Variants in NOVA2 observed in about 807,000 individuals in gnomAD.
NOVA2 encodes the protein NOVA alternative splicing regulator 2.
In NOVA2, 9 loss-of-function variants were observed where a neutral mutation model predicts 22.5. The observed-to-expected ratio is 0.40, with a 90% CI of 0.24 to 0.70. The LOEUF is 0.70. Among genes scored for constraint, NOVA2 ranks in the 30% least tolerant of loss-of-function variants. The probability of loss-of-function intolerance (pLI) is 0.38; values close to 1 mark genes in which losing one functional copy is unlikely to be tolerated. For synonymous variants in NOVA2, 318 were observed against 335.2 expected (o/e 0.95, Z 0.56); for missense variants, 383 against 682.8 (o/e 0.56, Z 4.89).
Position 45,939,792 on chromosome 19 carries a change from T to TG in NOVA2, c.*70dup, listed in dbSNP as rs771032556. On this transcript the variant is annotated 3_prime_UTR_variant, in exon 4 of 4. Coordinates refer to ENST00000263257, the MANE Select transcript of NOVA2 (RefSeq NM_002516.4). ...ACTACACCAAGCTGAGGTCAGGAGT[T>TG]GGGGGGGAGGAGGAGAGGGAAGAGG... 3.3e-3 allele frequency: 5,131 copies of TG among 1,567,450 alleles called. 17 individuals are homozygous for TG. Among genetic ancestry groups the TG allele is most frequent in the Non-Finnish European group, 4.1e-3 (4,679 of 1,151,578 alleles).
At chr19:45,942,343 CAG>C (rs758720858) in intron 3 of NOVA2, among the ~76,000 whole-genome samples, 6 of 152,084 alleles carry the variant, frequency 3.9e-5, no homozygotes, top group Non-Finnish European at 7.4e-5. Flanking sequence ...CAGATGCACA[CAG>C]AGGGAAGACT....
chr19:45,934,895 T>G lies in NOVA2; in HGVS notation c.*4968A>C. 1 of 149,738 alleles carries G rather than the reference T, an allele frequency of 6.7e-6. No homozygotes were observed. Among genetic ancestry groups the G allele is most frequent in the Non-Finnish European group, 1.5e-5 (1 of 67,486 alleles). 9.3% of individuals were successfully genotyped at this position (149,738 alleles called of 1,614,324 possible). ...TGGGGTGCGGGTGGGGAGGCATGGGTGGTGGGAGGAGATGGAGGAAAGGTA... is the reference window on the plus strand; with the variant it reads ...TGGGGTGCGGGTGGGGAGGCATGGGGGGTGGGAGGAGATGGAGGAAAGGTA... On this transcript the variant is annotated 3_prime_UTR_variant, in exon 4 of 4. Coordinates refer to ENST00000263257, the MANE Select transcript of NOVA2 (RefSeq NM_002516.4).
At chr19:45,960,379 G>A (rs1175539155) in intron 2 of NOVA2, among the ~76,000 whole-genome samples, 1 of 151,632 alleles carries the variant, frequency 6.6e-6, no homozygotes, top group Non-Finnish European at 1.5e-5. Context: ...GAAGACAAAA[G>A]GAGAAGGAAA....
chr19:45,948,233 G>A (rs1476579494), intron 3 of NOVA2, among the ~76,000 whole-genome samples: 2 of 152,046 alleles, frequency 1.3e-5, no homozygotes, highest in African/African-American at 4.8e-5. Flanking sequence ...CATGTGCTGA[G>A]CACCTACTAT....
At chr19:45,958,438 G>A (rs776105975) in intron 2 of NOVA2, among the ~76,000 whole-genome samples, 71 of 151,176 alleles carry the variant, frequency 4.7e-4, no homozygotes, top group Non-Finnish European at 1.3e-4. Flanking sequence ...GAGTGTGAGA[G>A]CACGTGTGAC....
In NOVA2 at chr19:45,939,769, T is replaced by C. The variant is rs558664673; in HGVS notation, c.*94A>G. The C allele has an allele frequency of 8.3e-4, 1,260 of 1,514,462 alleles. 1 individual carries two copies. The highest frequency in any genetic ancestry group is 1.5e-3 in the Admixed American group (80 of 51,754). The allele number at this position is 1,514,462 out of a possible 1,614,324, so 93.8% of individuals were successfully genotyped here. ...AGCCCCATCCCAAGAGGAGCAGGAC[T>C]ACACCAAGCTGAGGTCAGGAGTTGG... On this transcript the variant is annotated 3_prime_UTR_variant, in exon 4 of 4. Transcript: ENST00000263257.
intron 3 of NOVA2, among the ~76,000 whole-genome samples, chr19:45,949,470 A>G (rs985160946): frequency 2.0e-5 from 3 of 152,130 alleles, no homozygotes; most frequent in Non-Finnish European, 4.4e-5. Context: ...TTGGCCAAGA[A>G]AAGGTTTGAG....
chr19:45,959,013 C>A (rs1968055791), intron 2 of NOVA2, among the ~76,000 whole-genome samples: 1 of 152,218 alleles, frequency 6.6e-6, no homozygotes, highest in Non-Finnish European at 1.5e-5. Flanking sequence ...GATGTGAGAA[C>A]CAAGGAAGCA....
At chr19:45,951,307 T>A (rs1340693466) in intron 3 of NOVA2, among the ~76,000 whole-genome samples, 1 of 151,904 alleles carries the variant, frequency 6.6e-6, no homozygotes, top group Non-Finnish European at 1.5e-5. Flanking sequence ...AAATCCTGTC[T>A]CTACAAAAAA....
In NOVA2 at chr19:45,952,399, GC is replaced by G. The variant is rs370884157; in HGVS notation, c.396+1380del. Among the ~76,000 whole-genome samples, 444 of 152,262 alleles carry G rather than the reference GC, an allele frequency of 2.9e-3. 3 individuals are homozygous for G. The highest frequency in any genetic ancestry group is 0.01 in the African/African-American group (431 of 41,576). Reference sequence around the variant, plus strand: ...GAGAAGGATTCAACTAAACAACAGAGCCCAGAGCCTGAGTTTTCAGCTATGA... The same window carrying G: ...GAGAAGGATTCAACTAAACAACAGAGCCAGAGCCTGAGTTTTCAGCTATGA... On this transcript the variant is annotated intron_variant, in intron 3 of 3. Transcript: ENST00000263257.
intron 2 of NOVA2, among the ~76,000 whole-genome samples, chr19:45,958,993 C>T (rs1437876798): frequency 6.6e-6 from 1 of 152,200 alleles, no homozygotes; most frequent in Admixed American, 6.5e-5. Context: ...ACGTCTGCTT[C>T]CCTGACTGGG....
At chr19:45,948,513 T>A (rs1245880167) in intron 3 of NOVA2, among the ~76,000 whole-genome samples, 1 of 143,148 alleles carries the variant, frequency 7.0e-6, no homozygotes, top group South Asian at 2.2e-4. Context: ...GGCAGGAGAA[T>A]GGCGTGAACC....
At position 45,940,632 on chromosome 19, in the gene NOVA2, A is replaced by G; in HGVS notation, c.710T>C (p.Val237Ala). Residue 237 changes from valine (V) to alanine (A), a missense_variant, in exon 4 of 4, where the codon GTG (valine) becomes GCG (alanine). Coordinates refer to ENST00000263257, the MANE Select transcript of NOVA2 (RefSeq NM_002516.4). The part of the protein sequence containing the change: ...TGSPYASPAD[V>A]LPAAAAASAA... Reference sequence around the variant, plus strand: ...CGACGCTGCGGCCGCGGCTGGCAGCACATCCGCGGGGCTGGCGTACGGAGA... The same window carrying G: ...CGACGCTGCGGCCGCGGCTGGCAGCGCATCCGCGGGGCTGGCGTACGGAGA... 6.7e-7 allele frequency: 1 copy of G among 1,484,292 alleles called. No homozygotes were observed. The highest frequency in any genetic ancestry group is 8.9e-7 in the Non-Finnish European group (1 of 1,128,952). The allele number at this position is 1,484,292 out of a possible 1,614,324, so 91.9% of individuals were successfully genotyped here. A position where few individuals can be genotyped will look rare whatever the true frequency, so the allele number is the denominator to read the frequency against.
At chr19:45,963,610 C>A (rs192313416) in intron 1 of NOVA2, among the ~76,000 whole-genome samples, 7 of 151,584 alleles carry the variant, frequency 4.6e-5, no homozygotes, top group African/African-American at 1.7e-4. Flanking sequence ...CGGCTCACTG[C>A]ACGCTCCGCC....
chr19:45,971,063 C>T (rs1216709904), intron 1 of NOVA2, among the ~76,000 whole-genome samples: 1 of 152,218 alleles, frequency 6.6e-6, no homozygotes, highest in East Asian at 1.9e-4. Context: ...ACTTAGAAAC[C>T]GTGTGACCTT....
Position 45,946,464 on chromosome 19 carries a change from T to C in NOVA2, c.397-5519A>G, listed in dbSNP as rs115956646. Among the ~76,000 whole-genome samples the C allele has an allele frequency of 4.9e-3, 745 of 152,244 alleles. 6 individuals carry two copies. Among genetic ancestry groups the C allele is most frequent in the African/African-American group, 0.017 (717 of 41,546 alleles). On this transcript the variant is annotated intron_variant, in intron 3 of 3. Transcript: ENST00000263257. ...GAATATGGACTTTCCAATGAGACAA[T>C]AGTATAGAATTAGCATTTTTGTTTG...
rs1967665584 is a variant in NOVA2, at chr19:45,937,116, A to AT, written c.*2746dup. The AT allele has an allele frequency of 6.6e-6, 1 of 152,134 alleles. No homozygotes were observed. The highest frequency in any genetic ancestry group is 2.4e-5 in the African/African-American group (1 of 41,410). 9.4% of individuals were successfully genotyped at this position (152,134 alleles called of 1,614,324 possible). On this transcript the variant is annotated 3_prime_UTR_variant, in exon 4 of 4. Transcript: ENST00000263257. Reference sequence around the variant, plus strand: ...AACTAGCTCACTGAGCTAGCAAAGTATACCTTTCAGATCACCCTGGCTGGC... The same window carrying AT: ...AACTAGCTCACTGAGCTAGCAAAGTATTACCTTTCAGATCACCCTGGCTGGC...
At chr19:45,954,156 T>G (rs992463938) in intron 2 of NOVA2, among the ~76,000 whole-genome samples, 1 of 152,178 alleles carries the variant, frequency 6.6e-6, no homozygotes, top group African/African-American at 2.4e-5. Context: ...AATCTGCACT[T>G]CATCTCCCTC....
chr19:45,941,099 G>C (rs1447672068), intron 3 of NOVA2, among the ~76,000 whole-genome samples, 154 bp from the exon 4 acceptor site: 1 of 152,102 alleles, frequency 6.6e-6, no homozygotes, highest in Non-Finnish European at 1.5e-5. Flanking sequence ...AGACTAGCCT[G>C]GCCAACATGG....
Sources: allele counts gnomAD v4.1 joint callset (sites outside exome capture counted in the v4.1 genomes callset), GRCh38; gene constraint gnomAD v4.1.1; transcripts MANE v1.5; gene names NCBI Gene and HGNC (gene_info 2026-07-23, HGNC 2026-07-21).